The following MTIF2 variants were observed in gnomAD, a reference collection of about 807,000 sequenced individuals.
MTIF2 encodes the protein mitochondrial translational initiation factor 2, also known as translation initiation factor IF-2, mitochondrial.
MTIF2 carries 71 observed loss-of-function variants against 83.5 expected under a neutral mutation model. The ratio of observed to expected loss-of-function variants is 0.85; its 90% CI spans 0.70 to 1.04. The LOEUF (loss-of-function observed/expected upper bound fraction) is 1.04. Ranked by LOEUF, MTIF2 falls within the 50% of genes least tolerant of loss-of-function variation. The pLI is 0.00. For synonymous variants in MTIF2, 319 were observed against 287.1 expected (o/e 1.11, Z -1.12); for missense variants, 957 against 846.5 (o/e 1.13, Z -1.62).
intron 13 of MTIF2, 75 bp downstream of exon 13, chr2:55,242,865 G>A (rs1676425696): frequency 6.8e-7 from 1 of 1,464,334 alleles, no homozygotes; most frequent in African/African-American, 1.4e-5. Context: ...GACAAGCCAA[G>A]CAACAAAAGA....
chr2:55,261,626 G>C (rs1678001840), intron 5 of MTIF2, among the ~76,000 whole-genome samples: 1 of 151,660 alleles, frequency 6.6e-6, no homozygotes, highest in African/African-American at 2.4e-5. Context: ...ATAATAAAAA[G>C]AGTGAAAAAA....
chr2:55,263,955 C>T, intron 3 of MTIF2, 90 bp from the exon 4 acceptor site: 4 of 917,902 alleles, frequency 4.4e-6, no homozygotes, highest in South Asian at 1.6e-5. Flanking sequence ...CACTGGACTA[C>T]ACTTAGCTCA....
chr2:55,268,793 T>C (rs1403939213), intron 1 of MTIF2, 54 bp from the exon 2 acceptor site: 1 of 152,194 alleles, frequency 6.6e-6, no homozygotes. Flanking sequence ...CGTCTGAATG[T>C]GAGCTGGAAG....
At chr2:55,238,733 A>G (rs1676080144) in intron 14 of MTIF2, among the ~76,000 whole-genome samples, 1 of 152,090 alleles carries the variant, frequency 6.6e-6, no homozygotes, top group South Asian at 2.1e-4. Flanking sequence ...AATTCCAATA[A>G]TGAAGTAACA....
At chr2:55,254,342 C>G (rs1677347837) in intron 6 of MTIF2, 141 bp from the exon 7 acceptor site, 7 of 804,536 alleles carry the variant, frequency 8.7e-6, no homozygotes, top group Non-Finnish European at 1.2e-5. Flanking sequence ...ATTTCCCCCT[C>G]CTATACATAT....
rs559894708 is a variant in MTIF2 at position 55,251,872 on chromosome 2, G to A, written c.841+605C>T. ...TCCCAATGACCTCAGGTGATCCACC[G>A]GCCTCGGCCTCCCAAAGTGCTGGGA... On this transcript the variant is annotated intron_variant, in intron 8 of 15. Coordinates refer to ENST00000263629, the MANE Select transcript of MTIF2 (RefSeq NM_002453.3). Among the ~76,000 whole-genome samples the A allele has an allele frequency of 5.9e-5, 9 of 152,134 alleles. No individual in the cohort carries two copies. In the East Asian group the frequency reaches 1.4e-3, roughly 23 times the overall value.
rs1168602849 is a variant in MTIF2, at chr2:55,249,516, A to G, written c.860T>C (p.Val287Ala). 1 of 1,614,040 alleles carries G rather than the reference A, an allele frequency of 6.2e-7. No homozygotes were observed. The highest frequency in any genetic ancestry group is 8.5e-7 in the Non-Finnish European group (1 of 1,179,982). ...KDAQVPIILA[V>A]NKCDKAEADP... ...AGCCTCAGCTTTGTCACATTTATTT[A>G]CGGCAAGGATAATAGGAACTGAAAG... Residue 287 changes from valine (V) to alanine (A), a missense_variant, in exon 9 of 16, where the codon GTA (valine) becomes GCA (alanine). Transcript: ENST00000263629.
At position 55,244,021 on chromosome 2, in the gene MTIF2, T is replaced by G. The variant is rs1432709523; in HGVS notation, c.1311+8A>C. On this transcript the variant is annotated splice_region_variant and intron_variant, in intron 11 of 15. Coordinates refer to ENST00000263629, the MANE Select transcript of MTIF2 (RefSeq NM_002453.3). ...ATATCTAATATATAGGAATTAAGCTTGATACACCTCAGATTCTACTTCAAG... is the reference window on the plus strand; with the variant it reads ...ATATCTAATATATAGGAATTAAGCTGGATACACCTCAGATTCTACTTCAAG... The G allele has an allele frequency of 3.7e-6, 6 of 1,609,830 alleles. No individual in the cohort carries two copies. The highest frequency in any genetic ancestry group is 5.1e-6 in the Non-Finnish European group (6 of 1,176,894).
intron 3 of MTIF2, among the ~76,000 whole-genome samples, chr2:55,265,271 C>T (rs1678346972): frequency 6.8e-6 from 1 of 147,868 alleles, no homozygotes; most frequent in South Asian, 2.2e-4. Context: ...TGAAGAAGAA[C>T]ATGTTTTCTT....
At position 55,243,560 on chromosome 2, in the gene MTIF2, G is replaced by A. The variant is rs760535307; in HGVS notation, c.1420C>T (p.His474Tyr). 18 of 1,613,928 alleles carry A rather than the reference G, an allele frequency of 1.1e-5. 1 individual carries two copies. In the South Asian group the frequency reaches 1.5e-4, roughly 14 times the overall value. The change falls in exon 12 of 16, where the codon CAT (histidine) becomes TAT (tyrosine). Residue 474 changes from histidine to tyrosine, a missense_variant. His to Tyr is a moderately conservative substitution (Grantham distance 83, BLOSUM62 2). Transcript: ENST00000263629. ...EEKRKEHKEA[H>Y]QKAREKYGHL... ...CCATACTTCTCACGGGCTTTCTGAT[G>A]TGCTTCTTTGTGTTCCTTTCGCTTT...
intron 3 of MTIF2, among the ~76,000 whole-genome samples, chr2:55,264,712 TA>T (rs1334470772): frequency 1.3e-5 from 2 of 152,034 alleles, no homozygotes; most frequent in Non-Finnish European, 2.9e-5. Flanking sequence ...TCTCACCCCC[TA>T]AAAAAAGATG....
chr2:55,258,486 T>C (rs1202152966), intron 5 of MTIF2, among the ~76,000 whole-genome samples: 3 of 152,038 alleles, frequency 2.0e-5, no homozygotes, highest in Non-Finnish European at 4.4e-5. Context: ...CTGACCAACA[T>C]AGTGAAACCC....
chr2:55,255,294 G>C (rs1308146717), intron 5 of MTIF2, among the ~76,000 whole-genome samples: 1 of 150,052 alleles, frequency 6.7e-6, no homozygotes, highest in Non-Finnish European at 1.5e-5. Flanking sequence ...ATATAGAGTT[G>C]GGTTCCTGCA....
chr2:55,252,325 TAA>T (rs1677155801), intron 8 of MTIF2, 150 bp downstream of exon 8: 2 of 646,242 alleles, frequency 3.1e-6, no homozygotes, highest in African/African-American at 3.6e-5. Flanking sequence ...CTATTAGTTA[TAA>T]GTCTGTGGGA....
At chr2:55,260,400 C>CAA (rs70947016) in intron 5 of MTIF2, among the ~76,000 whole-genome samples, 30 of 87,306 alleles carry the variant, frequency 3.4e-4, no homozygotes, top group Non-Finnish European at 5.3e-4. Flanking sequence ...AACTCTGTCT[C>CAA]AAAAAAAAAA....
chr2:55,255,663 A>G (rs1034413474), intron 5 of MTIF2, among the ~76,000 whole-genome samples: 4 of 151,638 alleles, frequency 2.6e-5, no homozygotes, highest in African/African-American at 9.7e-5. Context: ...TTTAGGAGCC[A>G]TTTTAAACAG....
chr2:55,237,419 G>C lies in MTIF2; in HGVS notation c.1880C>G (p.Ser627Cys). 2 of 1,609,192 alleles carry C rather than the reference G, an allele frequency of 1.2e-6. No individual in the cohort carries two copies. The highest frequency in any genetic ancestry group is 1.7e-6 in the Non-Finnish European group (2 of 1,178,770). The change falls in exon 15 of 16, where the codon TCT becomes TGT. Residue 627 changes from serine (S) to cysteine (C), a missense_variant. Ser to Cys is a moderately radical substitution (Grantham distance 112). Around this residue, in one of 3 missense-constraint regions of MTIF2, gnomAD observed 221 missense variants for 180.6 expected, o/e 1.22. Transcript: ENST00000263629. ...TGTTACAGAGAAGGTAGCTAGTATAGATGCCTCACCTTTAGGAAGAAGAGA... is the reference window on the plus strand; with the variant it reads ...TGTTACAGAGAAGGTAGCTAGTATACATGCCTCACCTTTAGGAAGAAGAGA... ...AVEEHPVGEASILATFSVTEG... is the reference protein window; with the variant it reads ...AVEEHPVGEACILATFSVTEG...
rs1675856846 is a variant in MTIF2, at chr2:55,236,824, A to T, written c.2012-4T>A. 3 of 1,572,932 alleles carry T rather than the reference A, an allele frequency of 1.9e-6. No individual in the cohort carries two copies. The African/African-American group carries it at 4.1e-5, about 22-fold the overall frequency. On this transcript the variant is annotated splice_polypyrimidine_tract_variant and splice_region_variant and intron_variant, in intron 15 of 15. Transcript: ENST00000263629. Reference sequence around the variant, plus strand: ...TGTTTCAATGAGGTTAATGAGCCTTAAAAAAGATAATTTAAGGTTAGTATA... The same window carrying T: ...TGTTTCAATGAGGTTAATGAGCCTTTAAAAAGATAATTTAAGGTTAGTATA...
chr2:55,244,293 T>C, intron 10 of MTIF2, 60 bp from the exon 11 acceptor site: 1 of 1,251,910 alleles, frequency 8.0e-7, no homozygotes. Context: ...AGAGCAAAGA[T>C]ATCTTTATGA....
Sources: gnomAD v4.1 joint callset for allele counts (sites outside exome capture counted in the v4.1 genomes callset) on GRCh38, gnomAD v4.1.1 for gene constraint, gnomAD v4.1.1 regional missense constraint, MANE v1.5 for transcripts, NCBI Gene and HGNC (gene_info 2026-07-23, HGNC 2026-07-21) for gene names.